The following BIRC6 variants were observed in gnomAD, a reference collection of about 807,000 sequenced individuals.
BIRC6 encodes the protein dual E2 ubiquitin-conjugating enzyme/E3 ubiquitin-protein ligase BIRC6.
Under a neutral mutation model 503.3 loss-of-function variants are expected in BIRC6, and 98 were observed. The observed-to-expected ratio is 0.19, with a 90% confidence interval of 0.17 to 0.23. The LOEUF (loss-of-function observed/expected upper bound fraction) is 0.23. BIRC6 is among the 10% of genes least tolerant of loss of function. The pLI is 1.00. For missense variants in BIRC6, 5,360 were observed against 5,806.0 expected (o/e 0.92, Z 2.50); for synonymous variants, 2,240 against 2,078.7 (o/e 1.08, Z -2.11).
At chr2:32,607,780 C>G in intron 72 of BIRC6, 137 bp downstream of exon 72, 1 of 561,122 alleles carries the variant, frequency 1.8e-6, no homozygotes. Context: ...GAGTCTGAGA[C>G]CAGCCTGGCC....
At chr2:32,530,039 A>C (rs1156653545) in intron 60 of BIRC6, among the ~76,000 whole-genome samples, 1 of 152,136 alleles carries the variant, frequency 6.6e-6, no homozygotes, top group South Asian at 2.1e-4. Context: ...TTATGAGCGC[A>C]TGTACTTTAA....
At chr2:32,474,818 C>T (rs762368910) in intron 33 of BIRC6, among the ~76,000 whole-genome samples, 25 of 152,158 alleles carry the variant, frequency 1.6e-4, no homozygotes, top group Non-Finnish European at 3.2e-4. Flanking sequence ...TCTCAGTTAA[C>T]GTTTTAAAAA....
At chr2:32,365,546 C>T (rs1573652869) in intron 1 of BIRC6, among the ~76,000 whole-genome samples, 1 of 152,138 alleles carries the variant, frequency 6.6e-6, no homozygotes, top group African/African-American at 2.4e-5. Context: ...GTCTCGAACT[C>T]CTGACCTTGT....
chr2:32,434,894 T>G (rs533487615), intron 13 of BIRC6, among the ~76,000 whole-genome samples: 18 of 152,266 alleles, frequency 1.2e-4, no homozygotes, highest in African/African-American at 4.3e-4. Flanking sequence ...GCATTCACAT[T>G]GTATTAGGTT....
In BIRC6 at chr2:32,617,715, T is replaced by G; in HGVS notation, c.14395-10T>G. On this transcript the variant is annotated splice_polypyrimidine_tract_variant and intron_variant, in intron 73 of 73. Transcript: ENST00000421745. ...TGCAGTTCTAACATTAGTCCTTTTCTCCTGCATAGCGTCACACTGCTCAGC... is the reference window on the plus strand; with the variant it reads ...TGCAGTTCTAACATTAGTCCTTTTCGCCTGCATAGCGTCACACTGCTCAGC... The G allele has an allele frequency of 6.2e-7, 1 of 1,611,892 alleles. No homozygotes were observed. The highest frequency in any genetic ancestry group is 8.5e-7 in the Non-Finnish European group (1 of 1,178,716).
chr2:32,572,864 G>C (rs925100984), intron 65 of BIRC6, among the ~76,000 whole-genome samples: 3 of 152,116 alleles, frequency 2.0e-5, no homozygotes, highest in African/African-American at 7.2e-5. Flanking sequence ...CTGTCATTAA[G>C]CTCTGATAGT....
intron 72 of BIRC6, among the ~76,000 whole-genome samples, chr2:32,610,597 A>G (rs1901355): frequency 0.31 from 47,290 of 152,036 alleles, 8,118 homozygotes; most frequent in East Asian, 0.69. Flanking sequence ...TCTGTTGTCA[A>G]TACTTTTTAA....
intron 65 of BIRC6, among the ~76,000 whole-genome samples, chr2:32,553,519 CT>C (rs2058579847): frequency 6.6e-6 from 1 of 151,932 alleles, no homozygotes; most frequent in South Asian, 2.1e-4. Context: ...ACCCGAGTAG[CT>C]GGGACTGCAG....
chr2:32,383,088 C>A (rs527387686), intron 3 of BIRC6, among the ~76,000 whole-genome samples: 1 of 151,810 alleles, frequency 6.6e-6, no homozygotes, highest in Non-Finnish European at 1.5e-5. Context: ...TCTCTGTCAC[C>A]CAGGCTGGAG....
intron 23 of BIRC6, among the ~76,000 whole-genome samples, chr2:32,459,721 A>G (rs2047626816): frequency 6.6e-6 from 1 of 151,824 alleles, no homozygotes; most frequent in Non-Finnish European, 1.5e-5. Context: ...TATATTCTAT[A>G]ATATATTTAG....
intron 3 of BIRC6, among the ~76,000 whole-genome samples, chr2:32,385,267 A>G (rs945898017): frequency 6.6e-6 from 1 of 152,216 alleles, no homozygotes; most frequent in Non-Finnish European, 1.5e-5. Flanking sequence ...CCATGAAGCT[A>G]TTGATGTAGA....
chr2:32,477,027 T>C (rs1211549860), intron 34 of BIRC6, among the ~76,000 whole-genome samples: 8 of 152,222 alleles, frequency 5.3e-5, no homozygotes, highest in Non-Finnish European at 8.8e-5. Context: ...ATTAGTTTTC[T>C]TTACCTTCAA....
Position 32,464,315 on chromosome 2 carries a change from T to G in BIRC6, c.4942-194T>G, listed in dbSNP as rs1025120455. Among the ~76,000 whole-genome samples, 7 of 152,326 alleles carry G rather than the reference T, an allele frequency of 4.6e-5. No individual in the cohort carries two copies. In the East Asian group the frequency reaches 5.8e-4, roughly 13 times the overall value. ...CCTAGTTCCCAAATGCACAGGAAAT[T>G]TTGTGTTAAACATTTAAAGTGTATA... On this transcript the variant is annotated intron_variant, in intron 24 of 73. Coordinates refer to ENST00000421745, the MANE Select transcript of BIRC6 (RefSeq NM_016252.4).
At chr2:32,556,828 A>G (rs903008482) in intron 65 of BIRC6, among the ~76,000 whole-genome samples, 5 of 152,104 alleles carry the variant, frequency 3.3e-5, no homozygotes, top group Non-Finnish European at 7.4e-5. Context: ...AGTCCCAGCT[A>G]CTTGGGAGGT....
At position 32,357,598 on chromosome 2, in the gene BIRC6, G is replaced by T; in HGVS notation, c.325+112G>T. 1.4e-6 allele frequency: 2 copies of T among 1,463,358 alleles called. No homozygotes were observed. Among genetic ancestry groups the T allele is most frequent in the South Asian group, 1.3e-5 (1 of 74,320 alleles). 90.6% of individuals were successfully genotyped at this position (1,463,358 alleles called of 1,614,324 possible). Reference sequence around the variant, plus strand: ...AGATGGCGAGAGGGCAGGGCTGGGGGTTCGGGCCCAGCCGTGAAGGGAGGC... The same window carrying T: ...AGATGGCGAGAGGGCAGGGCTGGGGTTTCGGGCCCAGCCGTGAAGGGAGGC... On this transcript the variant is annotated intron_variant, in intron 1 of 73. Transcript: ENST00000421745. This position sits in a 1 kb window ranked among gnomAD's most constrained non-coding sequence, Gnocchi z 4.9.
intron 22 of BIRC6, among the ~76,000 whole-genome samples, chr2:32,451,289 C>T (rs2046700285): frequency 6.6e-6 from 1 of 152,172 alleles, no homozygotes. Flanking sequence ...TATCTTGTGT[C>T]ATTGCCCCGT....
rs116328659 is a variant in BIRC6 at position 32,357,062 on chromosome 2, C to T, written c.-100C>T. On this transcript the variant is annotated 5_prime_UTR_variant, in exon 1 of 74. Coordinates refer to ENST00000421745, the MANE Select transcript of BIRC6 (RefSeq NM_016252.4). The surrounding 1 kb of genome is among the most constrained non-coding windows in gnomAD (Gnocchi z 4.9). ...CTCCCCCTCTCCCGTCAGCCTCCCT[C>T]CGAGTTTGGCCCCTCCGGCCGGGCG... The T allele has an allele frequency of 3.4e-3, 3,673 of 1,077,334 alleles. 79 individuals carry two copies. In the African/African-American group the frequency reaches 0.057, roughly 17 times the overall value. 66.7% of individuals were successfully genotyped at this position (1,077,334 alleles called of 1,614,324 possible).
At position 32,515,364 on chromosome 2, in the gene BIRC6, C is replaced by T; in HGVS notation, c.10943C>T (p.Ser3648Phe). Residue 3648 changes from serine (S) to phenylalanine (F), a missense_variant, in exon 55 of 74, where the codon TCT becomes TTT. Transcript: ENST00000421745. ...SLASFCFSHI[S>F]SSESIAQSID... ...GCTAGTTTCTGCTTTAGCCACATTT[C>T]TAGCTCAGAAAGCATTGCCCAGTCA... is the stretch of plus-strand genomic sequence containing the variant. The T allele has an allele frequency of 1.9e-6, 3 of 1,613,722 alleles. No individual in the cohort carries two copies. Among genetic ancestry groups the T allele is most frequent in the African/African-American group, 2.7e-5 (2 of 75,068 alleles).
chr2:32,463,265 C>T lies in BIRC6; in HGVS notation c.4825C>T (p.Leu1609=). Reference sequence around the variant, plus strand: ...GACAGTTGGGGAAGCCTCGACAGCCCTGAGTTCAGCAGCCCAGGTAGCTTT... The same window carrying T: ...GACAGTTGGGGAAGCCTCGACAGCCTTGAGTTCAGCAGCCCAGGTAGCTTT... ...SGTVGEASTA[L]SSAAQVALQS... The change falls in exon 24 of 74, where the codon CTG becomes TTG. Residue 1609 remains leucine (L), a synonymous_variant. Transcript: ENST00000421745. 1 of 1,613,702 alleles carries T rather than the reference C, an allele frequency of 6.2e-7. No individual in the cohort carries two copies. Among genetic ancestry groups the T allele is most frequent in the Non-Finnish European group, 8.5e-7 (1 of 1,179,786 alleles).
Sources: gnomAD v4.1 joint callset for allele counts (sites outside exome capture counted in the v4.1 genomes callset) on GRCh38, gnomAD v4.1.1 for gene constraint, Gnocchi (gnomAD v3.1) non-coding constraint, MANE v1.5 for transcripts, NCBI Gene and HGNC (gene_info 2026-07-23, HGNC 2026-07-21) for gene names.